ZNF594: variants seen among roughly 807,000 people sequenced by gnomAD.
ZNF594 encodes zinc finger protein 594.
For missense variants in ZNF594, 1,037 were observed against 964.6 expected, an observed-to-expected ratio of 1.08 and a Z score of -0.99; for synonymous variants, 336 against 309.4, an observed-to-expected ratio of 1.09 and a Z score of -0.90.
Position 5,181,052 on chromosome 17 carries a change from G to T in ZNF594, c.*781C>A. On this transcript the variant is annotated 3_prime_UTR_variant, in exon 2 of 2. Coordinates refer to ENST00000575779, the MANE Select transcript of ZNF594 (RefSeq NM_032530.2). ...ACCCACTGAAGGCCTTACCACAGTT[G>T]CTACATTCAAAGGGTTTCTCTCTGG... 8.5e-7 allele frequency: 1 copy of T among 1,176,496 alleles called. No individual in the cohort carries two copies. The highest frequency in any genetic ancestry group is 1.3e-6 in the Non-Finnish European group (1 of 796,806). The allele number at this position is 1,176,496 out of a possible 1,614,324, so 72.9% of individuals were successfully genotyped here. A position where few individuals can be genotyped will look rare whatever the true frequency, so the allele number is the denominator to read the frequency against.
intron 1 of ZNF594, chr17:5,184,510 C>T: frequency 2.3e-6 from 1 of 441,138 alleles, no homozygotes; most frequent in South Asian, 3.3e-5. Flanking sequence ...TGGGAGTGGC[C>T]TAAAGGGTGG....
chr17:5,178,072 T>G (rs2074317223), downstream of ZNF594, among the ~76,000 whole-genome samples: 1 of 150,442 alleles, frequency 6.6e-6, no homozygotes, highest in African/African-American at 2.4e-5. Flanking sequence ...ATTTTTCAGT[T>G]TTTTTTTTTT....
In ZNF594 at chr17:5,183,325, G is replaced by A. The variant is rs1282370964; in HGVS notation, c.932C>T (p.Thr311Ile). 2.5e-6 allele frequency: 4 copies of A among 1,613,734 alleles called. No homozygotes were observed. In the African/African-American group the frequency reaches 5.3e-5, roughly 22 times the overall value. The change falls in exon 2 of 2, where the codon ACT becomes ATT. Residue 311 changes from threonine (T) to isoleucine (I), a missense_variant. Coordinates refer to ENST00000575779, the MANE Select transcript of ZNF594 (RefSeq NM_032530.2). The part of the protein sequence containing the change: ...EKAFRQHSHL[T>I]EHQRLHSGEK... Reference sequence around the variant, plus strand: ...TCCACTGTGGAGTCTCTGGTGTTCAGTAAGGTGAGAATGCTGCCTGAAGGC... The same window carrying A: ...TCCACTGTGGAGTCTCTGGTGTTCAATAAGGTGAGAATGCTGCCTGAAGGC...
intron 1 of ZNF594, among the ~76,000 whole-genome samples, chr17:5,188,892 C>G (rs570288274): frequency 4.5e-4 from 68 of 151,666 alleles, no homozygotes; most frequent in African/African-American, 1.5e-3. Flanking sequence ...GGACTACAGG[C>G]GCCCACCAGT....
At chr17:5,189,101 A>G (rs1349409510) in intron 1 of ZNF594, among the ~76,000 whole-genome samples, 1 of 151,804 alleles carries the variant, frequency 6.6e-6, no homozygotes, top group Non-Finnish European at 1.5e-5. Flanking sequence ...AGCCAAAAAA[A>G]AAAAGAAAAG....
At position 5,182,118 on chromosome 17, in the gene ZNF594, A is replaced by G. The variant is rs2074346892; in HGVS notation, c.2139T>C (p.Cys713=). 1.2e-6 allele frequency: 2 copies of G among 1,613,596 alleles called. No individual in the cohort carries two copies. The highest frequency in any genetic ancestry group is 1.7e-6 in the Non-Finnish European group (2 of 1,180,000). Residue 713 remains cysteine (C), a synonymous_variant, in exon 2 of 2, where the codon TGT becomes TGC. Transcript: ENST00000575779. ...CCGTGTGCCACATGAAGAGTTTCCC[A>G]CATTCCTTACATTCATAGGGTTTCT... The part of the protein sequence containing the change: ...SGEKPYECKE[C]GKLFMWHTAF...
At chr17:5,175,633 T>C (rs945189567), downstream of ZNF594, among the ~76,000 whole-genome samples, 6 of 152,008 alleles carry the variant, frequency 3.9e-5, no homozygotes, top group Non-Finnish European at 5.9e-5. Flanking sequence ...GGTGCCTACA[T>C]TGGTACCTAC....
At chr17:5,185,511 C>A (rs1247718025) in intron 1 of ZNF594, among the ~76,000 whole-genome samples, 2 of 152,142 alleles carry the variant, frequency 1.3e-5, no homozygotes, top group African/African-American at 4.8e-5. Context: ...GGACACAGAG[C>A]CAAACCATAT....
At chr17:5,189,223 G>C (rs568071868) in intron 1 of ZNF594, among the ~76,000 whole-genome samples, 1 of 151,154 alleles carries the variant, frequency 6.6e-6, no homozygotes, top group Admixed American at 6.6e-5. Flanking sequence ...TGGGGTTATA[G>C]GTGTGAGCCA....
Position 5,182,314 on chromosome 17 carries a change from C to A in ZNF594, c.1943G>T (p.Gly648Val), listed in dbSNP as rs1282932308. ...DLIKHHRIHT[G>V]EKPYECSECG... ...TTCACTACATTCATAGGGTTTCTCT[C>A]CAGTATGAATACGATGGTGTTTAAT... Residue 648 changes from glycine to valine, a missense_variant, in exon 2 of 2, where the codon GGA (glycine) becomes GTA (valine). Gly to Val is a moderately radical substitution (Grantham distance 109). Coordinates refer to ENST00000575779, the MANE Select transcript of ZNF594 (RefSeq NM_032530.2). 3.1e-6 allele frequency: 5 copies of A among 1,613,456 alleles called. No homozygotes were observed. The highest frequency in any genetic ancestry group is 4.2e-6 in the Non-Finnish European group (5 of 1,179,984).
rs1262836897 is a variant in ZNF594 at position 5,182,881 on chromosome 17, G to T, written c.1376C>A (p.Pro459His). The change falls in exon 2 of 2, where the codon CCC (proline) becomes CAC (histidine). Residue 459 changes from proline (P) to histidine (H), a missense_variant. Transcript: ENST00000575779. ...TTTCCCACATTCACTACATTCATAG[G>T]GTTTCTCTCCAGTATGAACACGATG... is the stretch of plus-strand genomic sequence containing the variant. Reference protein sequence around the residue: ...RHHRVHTGEKPYECSECGKAF... With the variant: ...RHHRVHTGEKHYECSECGKAF... 1.9e-6 allele frequency: 3 copies of T among 1,613,816 alleles called. No individual in the cohort carries two copies. The highest frequency in any genetic ancestry group is 2.5e-6 in the Non-Finnish European group (3 of 1,179,996).
chr17:5,185,868 G>A (rs573703807), intron 1 of ZNF594, among the ~76,000 whole-genome samples: 1 of 152,332 alleles, frequency 6.6e-6, no homozygotes, highest in South Asian at 2.1e-4. Flanking sequence ...TTTGACTCCA[G>A]GTCTCACATC....
intron 1 of ZNF594, among the ~76,000 whole-genome samples, chr17:5,185,022 C>T (rs960075234): frequency 6.6e-6 from 1 of 152,202 alleles, no homozygotes; most frequent in Non-Finnish European, 1.5e-5. Flanking sequence ...AATCAATTCT[C>T]TTCTTCTCAG....
At chr17:5,189,985 A>C (rs549530431) in intron 1 of ZNF594, among the ~76,000 whole-genome samples, 1 of 152,354 alleles carries the variant, frequency 6.6e-6, no homozygotes, top group Admixed American at 6.5e-5. Flanking sequence ...AAATAATAAA[A>C]AATGAAATGA....
Position 5,181,623 on chromosome 17 carries a change from T to C in ZNF594, c.*210A>G, listed in dbSNP as rs1178355875. On this transcript the variant is annotated 3_prime_UTR_variant, in exon 2 of 2. Transcript: ENST00000575779. ...GAGTGAACGCCGCCTGAAGGCTTTT[T>C]CACATTCAGTGCACTGATAGGGCTT... 12 of 1,597,120 alleles carry C rather than the reference T, an allele frequency of 7.5e-6. No individual in the cohort carries two copies. Among genetic ancestry groups the C allele is most frequent in the East Asian group, 2.2e-5 (1 of 44,774 alleles).
At position 5,181,824 on chromosome 17, in the gene ZNF594, C is replaced by T. The variant is rs372440603; in HGVS notation, c.*9G>A. 4 of 1,613,914 alleles carry T rather than the reference C, an allele frequency of 2.5e-6. No individual in the cohort carries two copies. The highest frequency in any genetic ancestry group is 1.1e-5 in the South Asian group (1 of 91,074). ...ATTGCATACGTAAGGTTTTTCTCCA[C>T]TGTGAATTCTATGATGTCTCAGAAG... On this transcript the variant is annotated 3_prime_UTR_variant, in exon 2 of 2. Transcript: ENST00000575779.
chr17:5,184,262 TC>T lies in ZNF594; in HGVS notation c.-7del, dbSNP rs1182446248. ...TTTGATTTCCATTCCTTCATCTTAT[TC>T]CTGTCTTCAGAATCTGAAATGATAA... On this transcript the variant is annotated 5_prime_UTR_variant, in exon 2 of 2. Coordinates refer to ENST00000575779, the MANE Select transcript of ZNF594 (RefSeq NM_032530.2). 1 of 1,606,622 alleles carries T rather than the reference TC, an allele frequency of 6.2e-7. No individual in the cohort carries two copies.
chr17:5,190,756 G>A (rs749966532), intron 1 of ZNF594, among the ~76,000 whole-genome samples: 5 of 152,248 alleles, frequency 3.3e-5, no homozygotes, highest in Middle Eastern at 3.4e-3. Context: ...GAGCCGGACA[G>A]ACTCCATTTT....
At chr17:5,184,402 G>T in intron 1 of ZNF594, 126 bp from the exon 2 acceptor site, 2 of 967,150 alleles carry the variant, frequency 2.1e-6, no homozygotes, top group Non-Finnish European at 3.0e-6. Context: ...GCTGAGATGT[G>T]GCTTTCACTA....
Sources: allele counts gnomAD v4.1 joint callset (sites outside exome capture counted in the v4.1 genomes callset), GRCh38; gene constraint gnomAD v4.1.1; transcripts MANE v1.5; gene names NCBI Gene and HGNC (gene_info 2026-07-23, HGNC 2026-07-21).